The following SCHIP1 variants were observed in gnomAD, a reference collection of about 807,000 sequenced individuals.
SCHIP1 encodes the protein schwannomin-interacting protein 1.
A neutral mutation model predicts 29.7 loss-of-function variants in SCHIP1; 8 were observed. The observed-to-expected ratio is 0.27, with a 90% confidence interval of 0.16 to 0.49. The LOEUF (loss-of-function observed/expected upper bound fraction) is 0.49, where lower values mean the gene tolerates loss of function less well. Among genes scored for constraint, SCHIP1 ranks in the 20% least tolerant of loss-of-function variants. The pLI is 0.99. For missense variants in SCHIP1, 193 were observed against 294.6 expected (o/e 0.66, Z 2.52); for synonymous variants, 76 against 94.9 (o/e 0.80, Z 1.16).
At chr3:159,705,562 G>C in the SCHIP1 span, among the ~76,000 whole-genome samples, 1 of 152,050 alleles carries the variant, frequency 6.6e-6, no homozygotes, top group African/African-American at 2.4e-5. Flanking sequence ...TCAGGGATAG[G>C]GGAGAGGAGA....
At chr3:159,384,130 C>A in the SCHIP1 span, among the ~76,000 whole-genome samples, 19 of 150,960 alleles carry the variant, frequency 1.3e-4, no homozygotes, top group South Asian at 6.3e-4. Flanking sequence ...CCCTGGCCAG[C>A]ACTTCCAACA....
At chr3:159,465,735 G>C in the SCHIP1 span, among the ~76,000 whole-genome samples, 1 of 152,038 alleles carries the variant, frequency 6.6e-6, no homozygotes, top group South Asian at 2.1e-4. Flanking sequence ...TAATTCTAAG[G>C]CATCTTTCTT....
the SCHIP1 span, among the ~76,000 whole-genome samples, chr3:159,358,859 A>C: frequency 6.6e-6 from 1 of 152,054 alleles, no homozygotes; most frequent in Admixed American, 6.6e-5. Context: ...AATGGAAATA[A>C]AAATGCAAGC....
chr3:159,372,609 G>A, the SCHIP1 span, among the ~76,000 whole-genome samples: 3 of 151,850 alleles, frequency 2.0e-5, no homozygotes, highest in Admixed American at 1.3e-4. Flanking sequence ...TTAGATTAGG[G>A]TTCAGCAAAT....
At chr3:159,894,058 A>C (rs915107217) in intron 6 of SCHIP1, 2 of 152,158 alleles carry the variant, frequency 1.3e-5, no homozygotes, top group Admixed American at 1.3e-4. Flanking sequence ...TGTCCATTCA[A>C]ATCAGTAGTT....
the SCHIP1 span, among the ~76,000 whole-genome samples, chr3:159,772,802 G>A: frequency 5.3e-5 from 8 of 152,026 alleles, no homozygotes; most frequent in East Asian, 1.9e-4. Context: ...GTACAGTGGC[G>A]CAATCTCAGC....
chr3:159,669,807 C>G, the SCHIP1 span, among the ~76,000 whole-genome samples: 29 of 152,216 alleles, frequency 1.9e-4, no homozygotes, highest in African/African-American at 6.7e-4. Flanking sequence ...ACGCCAAGGC[C>G]CTTTCCAGAG....
At chr3:159,340,372 A>G in the SCHIP1 span, among the ~76,000 whole-genome samples, 1 of 152,088 alleles carries the variant, frequency 6.6e-6, no homozygotes, top group East Asian at 1.9e-4. Context: ...TCTAATAATT[A>G]TCAAAATTCA....
chr3:159,374,984 A>G, the SCHIP1 span, among the ~76,000 whole-genome samples: 2 of 152,228 alleles, frequency 1.3e-5, no homozygotes, highest in Non-Finnish European at 2.9e-5. Flanking sequence ...AAGTTTTTAT[A>G]TGTATTACAT....
At chr3:159,774,506 A>T in the SCHIP1 span, among the ~76,000 whole-genome samples, 6 of 151,756 alleles carry the variant, frequency 4.0e-5, no homozygotes, top group African/African-American at 9.7e-5. Context: ...ACTTAATCTA[A>T]TTTTTTCTCT....
chr3:159,849,640 G>A (rs1276448145), intron 1 of SCHIP1, among the ~76,000 whole-genome samples: 1 of 152,164 alleles, frequency 6.6e-6, no homozygotes, highest in African/African-American at 2.4e-5. Context: ...AGTGAGTGGG[G>A]TCTGCAGGGT....
the SCHIP1 span, among the ~76,000 whole-genome samples, chr3:159,602,672 G>C: frequency 2.6e-5 from 4 of 150,958 alleles, no homozygotes; most frequent in African/African-American, 9.8e-5. Context: ...TTGCACCACT[G>C]CACTCTAGCC....
intron 2 of SCHIP1, among the ~76,000 whole-genome samples, chr3:159,876,264 C>A (rs1164653683): frequency 5.3e-5 from 8 of 152,140 alleles, no homozygotes; most frequent in Non-Finnish European, 1.2e-4. Flanking sequence ...CATGCTTTTT[C>A]ACTTATCAAC....
At chr3:159,360,809 A>G in the SCHIP1 span, among the ~76,000 whole-genome samples, 1 of 152,056 alleles carries the variant, frequency 6.6e-6, no homozygotes, top group Non-Finnish European at 1.5e-5. Flanking sequence ...ATAATCCTTT[A>G]CTGACCATTT....
At chr3:159,437,617 C>A in the SCHIP1 span, among the ~76,000 whole-genome samples, 1 of 151,848 alleles carries the variant, frequency 6.6e-6, no homozygotes, top group African/African-American at 2.4e-5. Flanking sequence ...GGGGGAAATT[C>A]ATCTCCATTC....
chr3:159,488,307 A>G, the SCHIP1 span, among the ~76,000 whole-genome samples: 1 of 152,188 alleles, frequency 6.6e-6, no homozygotes, highest in Non-Finnish European at 1.5e-5. Flanking sequence ...TTTATTGTAC[A>G]TTTTAAAATA....
At chr3:159,442,868 C>T in the SCHIP1 span, among the ~76,000 whole-genome samples, 2 of 152,140 alleles carry the variant, frequency 1.3e-5, no homozygotes, top group Admixed American at 1.3e-4. Context: ...ATATCCCTTG[C>T]TTAGACAGTG....
the SCHIP1 span, among the ~76,000 whole-genome samples, chr3:159,541,817 C>T: frequency 1.3e-5 from 2 of 152,034 alleles, no homozygotes; most frequent in Admixed American, 1.3e-4. Flanking sequence ...GGAATATGTT[C>T]TCTTTTACCT....
At chr3:159,316,688 A>T in the SCHIP1 span, among the ~76,000 whole-genome samples, 1 of 152,216 alleles carries the variant, frequency 6.6e-6, no homozygotes, top group Non-Finnish European at 1.5e-5. Context: ...ACATAATACA[A>T]CCAGCCTTCG....
Sources: allele counts gnomAD v4.1 joint callset (sites outside exome capture counted in the v4.1 genomes callset), GRCh38; gene constraint gnomAD v4.1.1; transcripts MANE v1.5; gene names NCBI Gene and HGNC (gene_info 2026-07-23, HGNC 2026-07-21).